Variants in KMT2E observed in about 807,000 individuals in gnomAD.
The protein encoded by KMT2E is lysine methyltransferase 2E (inactive), also known as histone reader KMT2E.
KMT2E carries 30 observed loss-of-function variants against 184.6 expected under a neutral mutation model. The ratio of observed to expected loss-of-function variants is 0.16; its 90% CI spans 0.12 to 0.22. The LOEUF (loss-of-function observed/expected upper bound fraction) is 0.22. Among genes scored for constraint, KMT2E ranks in the 10% least tolerant of loss-of-function variants. The pLI is 1.00. For missense variants in KMT2E, 2,023 were observed against 2,237.4 expected (o/e 0.90, Z 1.93); for synonymous variants, 815 against 776.5 (o/e 1.05, Z -0.82).
intron 1 of KMT2E, among the ~76,000 whole-genome samples, chr7:105,030,507 A>G (rs1245759346): frequency 6.6e-6 from 1 of 152,238 alleles, no homozygotes; most frequent in Non-Finnish European, 1.5e-5. Flanking sequence ...AAATGTCAAC[A>G]TTAGGAACTT....
Position 105,071,367 on chromosome 7 carries a change from TTTTG to T in KMT2E, c.498-2248_498-2245del, listed in dbSNP as rs962473158. 2.3e-4 allele frequency among the ~76,000 whole-genome samples: 35 copies of T among 151,210 alleles called. 1 individual carries two copies. The stretch of plus-strand genomic sequence containing the variant: ...GCTGTGCTGTTTTTTTGTTGTTGTT[TTTTG>T]TTTTTGTTTTTTTTGAAATGGAGTG... On this transcript the variant is annotated intron_variant, in intron 6 of 26. Transcript: ENST00000311117.
chr7:105,017,230 C>T (rs992378985), intron 1 of KMT2E, among the ~76,000 whole-genome samples: 14 of 152,072 alleles, frequency 9.2e-5, no homozygotes, highest in African/African-American at 3.4e-4. Flanking sequence ...TGCCTGTGCC[C>T]GATGGTTTTC....
At position 105,105,859 on chromosome 7, in the gene KMT2E, C is replaced by T. The variant is rs1584802744; in HGVS notation, c.2452C>T (p.Arg818Ter). The change falls in exon 19 of 27, where the codon CGA becomes TGA. Residue 818 changes from arginine to a stop codon, truncating the protein, a stop_gained and splice_region_variant. Transcript: ENST00000311117. LOFTEE classifies it high-confidence loss of function. ...TENISGSCKK[R>*]WLKQALEEEN... The stretch of plus-strand genomic sequence containing the variant: ...CATTCATGTATTCTGTTTTATTCAG[C>T]GATGGTTGAAACAAGCTCTGGAAGA... The T allele has an allele frequency of 6.2e-7, 1 of 1,610,004 alleles. No homozygotes were observed.
At chr7:105,060,746 ATGTTTAGATG>A (rs1475184868) in intron 3 of KMT2E, among the ~76,000 whole-genome samples, 2 of 152,024 alleles carry the variant, frequency 1.3e-5, no homozygotes, top group East Asian at 1.9e-4. Flanking sequence ...CTTATTTTCT[ATGTTTAGATG>A]TGTTTAGATA....
intron 19 of KMT2E, 116 bp from the exon 20 acceptor site, chr7:105,106,406 G>A: frequency 8.3e-6 from 8 of 961,998 alleles, no homozygotes; most frequent in Non-Finnish European, 1.2e-5. Flanking sequence ...ATTCAGTTTT[G>A]GGGTAAAAGT....
chr7:105,070,447 A>G (rs577339701), intron 6 of KMT2E, among the ~76,000 whole-genome samples: 3 of 151,660 alleles, frequency 2.0e-5, no homozygotes, highest in Non-Finnish European at 4.4e-5. Flanking sequence ...CCTAGGCAAC[A>G]TGGCAAGGCA....
chr7:105,028,658 C>G (rs1795272328), intron 1 of KMT2E, among the ~76,000 whole-genome samples: 1 of 152,054 alleles, frequency 6.6e-6, no homozygotes, highest in African/African-American at 2.4e-5. Flanking sequence ...AGCACCACAC[C>G]TGGCTAATTT....
intron 1 of KMT2E, among the ~76,000 whole-genome samples, chr7:105,024,646 T>TAAA (rs1795098833): frequency 6.6e-6 from 1 of 152,206 alleles, no homozygotes; most frequent in African/African-American, 2.4e-5. Context: ...TCCAGTTCTC[T>TAAA]GCTTTTATTT....
At chr7:105,041,814 ATT>A (rs1348613037) in intron 3 of KMT2E, among the ~76,000 whole-genome samples, 1 of 152,186 alleles carries the variant, frequency 6.6e-6, no homozygotes, top group African/African-American at 2.4e-5. Flanking sequence ...AGTGCTTAAC[ATT>A]TTTGCTTGTG....
intron 1 of KMT2E, among the ~76,000 whole-genome samples, chr7:105,028,602 G>A (rs1795269463): frequency 6.6e-6 from 1 of 151,996 alleles, no homozygotes; most frequent in Non-Finnish European, 1.5e-5. Flanking sequence ...AGCAATTCTT[G>A]CACCTCAGCT....
intron 15 of KMT2E, among the ~76,000 whole-genome samples, chr7:105,100,654 A>G (rs1798614608): frequency 6.6e-6 from 1 of 152,246 alleles, no homozygotes; most frequent in Non-Finnish European, 1.5e-5. Context: ...CAGTGAAGAC[A>G]GGAAGAGCAG....
At chr7:105,080,879 T>C (rs1797736642) in intron 12 of KMT2E, among the ~76,000 whole-genome samples, 1 of 152,132 alleles carries the variant, frequency 6.6e-6, no homozygotes, top group African/African-American at 2.4e-5. Context: ...GGCACGCACC[T>C]GTAGTCCCAG....
intron 12 of KMT2E, among the ~76,000 whole-genome samples, chr7:105,080,383 G>C (rs1161617469): frequency 6.6e-6 from 1 of 151,414 alleles, no homozygotes; most frequent in Admixed American, 6.6e-5. Flanking sequence ...CAAGAATGTA[G>C]GTGTTTTTTT....
intron 13 of KMT2E, among the ~76,000 whole-genome samples, chr7:105,084,397 G>A (rs548954120): frequency 4.9e-4 from 75 of 152,190 alleles, no homozygotes; most frequent in Admixed American, 1.4e-3. Context: ...AGGCCAAGGC[G>A]GGCGGATTAC....
Position 105,110,848 on chromosome 7 carries a change from A to G in KMT2E, c.4048A>G (p.Ser1350Gly). The change falls in exon 26 of 27, where the codon AGT (serine) becomes GGT (glycine). Residue 1350 changes from serine to glycine, a missense_variant. Ser to Gly is a moderately conservative substitution (Grantham distance 56). Transcript: ENST00000311117. ...SPDTSQNTCK[S>G]PPKMSKPGSP... ...AGATACTTCTCAAAATACTTGTAAA[A>G]GTCCTCCAAAAATGAGCAAGGTAAT... 6.2e-7 allele frequency: 1 copy of G among 1,613,548 alleles called. No homozygotes were observed. Among genetic ancestry groups the G allele is most frequent in the South Asian group, 1.1e-5 (1 of 91,074 alleles).
chr7:105,106,599 C>T lies in KMT2E; in HGVS notation c.2674C>T (p.Pro892Ser). 2 of 1,613,956 alleles carry T rather than the reference C, an allele frequency of 1.2e-6. No homozygotes were observed. The highest frequency in any genetic ancestry group is 1.7e-6 in the Non-Finnish European group (2 of 1,179,812). ...SVYSETSTPT[P>S]SPYATPTHTD... Reference sequence around the variant, plus strand: ...TTACTCAGAAACCTCCACACCTACTCCTTCCCCGTATGCTACACCAACTCA... The same window carrying T: ...TTACTCAGAAACCTCCACACCTACTTCTTCCCCGTATGCTACACCAACTCA... Residue 892 changes from proline to serine, a missense_variant, in exon 20 of 27, where the codon CCT becomes TCT. This residue lies in a region of KMT2E where 514 missense variants were observed against 621.8 expected (regional missense o/e 0.83). Transcript: ENST00000311117.
chr7:105,090,200 C>T lies in KMT2E; in HGVS notation c.1550C>T (p.Thr517Ile). ...ATTACTTTGGATTGTGAAGGAACGA[C>T]CAACAAAATGAAGAGCCCAGAAACT... is the stretch of plus-strand genomic sequence containing the variant. ...QNITLDCEGT[T>I]NKMKSPETKQ... is the part of the protein sequence containing the mutation. Residue 517 changes from threonine (T) to isoleucine (I), a missense_variant, in exon 14 of 27, where the codon ACC (threonine) becomes ATC (isoleucine). Physicochemically the swap from Thr to Ile is moderately conservative, Grantham distance 89. This residue lies in a region of KMT2E where 514 missense variants were observed against 621.8 expected (regional missense o/e 0.83). Transcript: ENST00000311117. 6.2e-7 allele frequency: 1 copy of T among 1,610,400 alleles called. No individual in the cohort carries two copies. Among genetic ancestry groups the T allele is most frequent in the Non-Finnish European group, 8.5e-7 (1 of 1,179,238 alleles).
At chr7:105,065,526 T>C (rs1019386063) in intron 5 of KMT2E, among the ~76,000 whole-genome samples, 2 of 152,178 alleles carry the variant, frequency 1.3e-5, no homozygotes, top group African/African-American at 4.8e-5. Context: ...AGTAGATGCC[T>C]GAAACTGCAG....
chr7:105,051,114 T>C (rs1796327524), intron 3 of KMT2E, among the ~76,000 whole-genome samples: 1 of 151,648 alleles, frequency 6.6e-6, no homozygotes, highest in Non-Finnish European at 1.5e-5. Context: ...CTCTCTTTCT[T>C]CCTTTCCTCC....
Sources: allele counts gnomAD v4.1 joint callset (sites outside exome capture counted in the v4.1 genomes callset), GRCh38; gene constraint gnomAD v4.1.1; regional missense constraint gnomAD v4.1.1; transcripts MANE v1.5; gene names NCBI Gene and HGNC (gene_info 2026-07-23, HGNC 2026-07-21).